Variants in CNKSR2 observed in about 807,000 individuals in gnomAD.
The protein encoded by CNKSR2 is connector enhancer of kinase suppressor of Ras 2.
In CNKSR2, 14 loss-of-function variants were observed where a neutral mutation model predicts 84.4. The ratio of observed to expected loss-of-function variants is 0.17; its 90% CI spans 0.11 to 0.26. The LOEUF is 0.26. CNKSR2 is among the 10% of genes least tolerant of loss of function. The probability of loss-of-function intolerance (pLI) is 1.00; values close to 1 mark genes in which losing one functional copy is unlikely to be tolerated. For missense variants in CNKSR2, 485 were observed against 771.2 expected, an observed-to-expected ratio of 0.63 and a Z score of 4.40; for synonymous variants, 275 against 277.9, an observed-to-expected ratio of 0.99 and a Z score of 0.10.
Position 21,568,646 on chromosome X carries a change from TA to T in CNKSR2, c.1608+5195del, listed in dbSNP as rs746618375. Among the ~76,000 whole-genome samples the T allele has an allele frequency of 3.2e-3, 362 of 111,791 alleles. 2 individuals carry two copies. The highest frequency in any genetic ancestry group is 0.011 in the African/African-American group (344 of 30,738). ...GGGTAGAACTGTTAAAAAACATTTT[TA>T]TTTTTTTTTAATTTAGCAAGTAAAT... On this transcript the variant is annotated intron_variant, in intron 13 of 21. Transcript: ENST00000379510.
At chrX:21,651,054 C>T (rs1431540341) in intron 21 of CNKSR2, among the ~76,000 whole-genome samples, 2 of 111,342 alleles carry the variant, frequency 1.8e-5, no homozygotes, top group Non-Finnish European at 3.8e-5. Context: ...TGTTTCTCTC[C>T]TTCTATCTCA....
chrX:21,586,754 T>A (rs981963262), intron 13 of CNKSR2, among the ~76,000 whole-genome samples: 2 of 110,915 alleles, frequency 1.8e-5, no homozygotes, highest in African/African-American at 6.6e-5. Context: ...GTAAAATATA[T>A]GAAATAAACA....
At chrX:21,578,410 A>G (rs189375232) in intron 13 of CNKSR2, among the ~76,000 whole-genome samples, 12 of 111,027 alleles carry the variant, frequency 1.1e-4, no homozygotes, top group Non-Finnish European at 1.9e-4. Flanking sequence ...CTTTTTTAAA[A>G]TTCAGCTATA....
At chrX:21,404,485 A>T (rs761632958) in intron 1 of CNKSR2, among the ~76,000 whole-genome samples, 2 of 110,656 alleles carry the variant, frequency 1.8e-5, no homozygotes, top group South Asian at 3.8e-4. Context: ...TATGTAATTT[A>T]AAAAAATGTG....
intron 10 of CNKSR2, 121 bp from the exon 11 acceptor site, chrX:21,531,735 A>G: frequency 4.9e-6 from 2 of 406,741 alleles, no homozygotes; most frequent in Non-Finnish European, 8.4e-6. Context: ...AATCTCAAAG[A>G]AAGTTTGAAA....
In CNKSR2 at chrX:21,443,465, T is replaced by A. The variant is rs145856352; in HGVS notation, c.519+2684T>A. On this transcript the variant is annotated intron_variant, in intron 4 of 21. Coordinates refer to ENST00000379510, the MANE Select transcript of CNKSR2 (RefSeq NM_014927.5). ...ATTCCTCTTAAAACTCAAGTTTTGA[T>A]GATATGCTTTTTACCTGAACTGGTC... Among the ~76,000 whole-genome samples, 594 of 111,465 alleles carry A rather than the reference T, an allele frequency of 5.3e-3. 1 individual carries two copies. Among genetic ancestry groups the A allele is most frequent in the Non-Finnish European group, 8.5e-3 (449 of 53,027 alleles).
chrX:21,439,488 A>G lies in CNKSR2; in HGVS notation c.432-1206A>G, dbSNP rs183871078. ...TGCTTTATATCAGAAAAGATCTCAA[A>G]TCAATCATTTAAGTTCCCATCTCAA... On this transcript the variant is annotated intron_variant, in intron 3 of 21. Coordinates refer to ENST00000379510, the MANE Select transcript of CNKSR2 (RefSeq NM_014927.5). Among the ~76,000 whole-genome samples, 4 of 110,926 alleles carry G rather than the reference A, an allele frequency of 3.6e-5. No homozygotes were observed. In the East Asian group the frequency reaches 1.1e-3, roughly 31 times the overall value.
intron 4 of CNKSR2, among the ~76,000 whole-genome samples, chrX:21,445,625 A>G (rs1023154988): frequency 1.8e-5 from 2 of 111,337 alleles, no homozygotes; most frequent in Admixed American, 9.6e-5. Context: ...CCCAACCTCT[A>G]ATAACCACAA....
chrX:21,374,881 G>C lies in CNKSR2; in HGVS notation c.-17G>C. 8.3e-7 allele frequency: 1 copy of C among 1,205,307 alleles called. No individual in the cohort carries two copies. ...GTGTCTGAGCTCTGCGCTCTGCACG[G>C]AACCGACCCCGTACCCATGGCTCTG... On this transcript the variant is annotated 5_prime_UTR_variant, in exon 1 of 22. Coordinates refer to ENST00000379510, the MANE Select transcript of CNKSR2 (RefSeq NM_014927.5).
At chrX:21,438,113 T>C (rs1302632530) in intron 3 of CNKSR2, among the ~76,000 whole-genome samples, 2 of 111,920 alleles carry the variant, frequency 1.8e-5, no homozygotes, top group Non-Finnish European at 3.8e-5. Flanking sequence ...GGATTGGCAA[T>C]TTTGTTGTTG....
At chrX:21,640,396 T>C (rs1294043751) in intron 20 of CNKSR2, among the ~76,000 whole-genome samples, 2 of 111,752 alleles carry the variant, frequency 1.8e-5, no homozygotes, top group Non-Finnish European at 3.8e-5. Flanking sequence ...TCCAGTATTA[T>C]AATATTCTAA....
intron 13 of CNKSR2, among the ~76,000 whole-genome samples, chrX:21,587,004 C>T (rs768164842): frequency 9.9e-5 from 11 of 111,579 alleles, no homozygotes; most frequent in African/African-American, 3.6e-4. Context: ...ACTTTCAATA[C>T]AACACAAAAA....
intron 4 of CNKSR2, chrX:21,441,256 T>C (rs1049047578): frequency 1.8e-5 from 2 of 111,497 alleles, no homozygotes; most frequent in African/African-American, 6.5e-5. Flanking sequence ...ATATTAGTGC[T>C]TGTAAATTAT....
intron 20 of CNKSR2, among the ~76,000 whole-genome samples, chrX:21,611,748 C>T (rs980619402): frequency 5.4e-5 from 6 of 111,449 alleles, no homozygotes; most frequent in African/African-American, 1.6e-4. Flanking sequence ...TCAGTGGGCT[C>T]TCTGTAGAAT....
chrX:21,645,069 C>A (rs1170340040), intron 20 of CNKSR2: 2 of 111,416 alleles, frequency 1.8e-5, no homozygotes, highest in Non-Finnish European at 3.8e-5. Flanking sequence ...CACTTACTAC[C>A]TAGAGGTCAT....
At chrX:21,522,120 G>C (rs2091790637) in intron 9 of CNKSR2, among the ~76,000 whole-genome samples, 1 of 110,965 alleles carries the variant, frequency 9.0e-6, no homozygotes, top group Admixed American at 9.6e-5. Context: ...ATTATTAAGA[G>C]AGTCAATATA....
intron 13 of CNKSR2, among the ~76,000 whole-genome samples, chrX:21,588,486 CTTTAT>C (rs1394207783): frequency 8.9e-6 from 1 of 112,071 alleles, no homozygotes; most frequent in Non-Finnish European, 1.9e-5. Flanking sequence ...CTTAAGAGAA[CTTTAT>C]TTTAATATTT....
chrX:21,447,701 T>G (rs1197424209), intron 4 of CNKSR2, among the ~76,000 whole-genome samples: 2 of 111,995 alleles, frequency 1.8e-5, no homozygotes, highest in African/African-American at 6.5e-5. Flanking sequence ...TGTGACAGAC[T>G]TGGAAGCAGG....
At chrX:21,444,729 A>C (rs967856381) in intron 4 of CNKSR2, among the ~76,000 whole-genome samples, 9 of 109,638 alleles carry the variant, frequency 8.2e-5, no homozygotes, top group Admixed American at 7.9e-4. Flanking sequence ...ATTGAGTGGC[A>C]ATGAAGAAAG....
Sources: gnomAD v4.1 joint callset for allele counts (sites outside exome capture counted in the v4.1 genomes callset) on GRCh38, gnomAD v4.1.1 for gene constraint, MANE v1.5 for transcripts, NCBI Gene and HGNC (gene_info 2026-07-23, HGNC 2026-07-21) for gene names.